The following EFR3A variants were observed in gnomAD, a reference collection of about 807,000 sequenced individuals.
The protein encoded by EFR3A is EFR3 homolog A.
EFR3A carries 76 observed loss-of-function variants against 104.4 expected under a neutral mutation model. That is an observed-to-expected ratio of 0.73 (90% CI 0.60 to 0.88). EFR3A has a LOEUF of 0.88. EFR3A is among the 40% of genes least tolerant of loss of function. The pLI is 0.00. For synonymous variants in EFR3A, 330 were observed against 330.0 expected, an observed-to-expected ratio of 1.00 and a Z score of 0.00; for missense variants, 985 against 1,012.5, an observed-to-expected ratio of 0.97 and a Z score of 0.37.
chr8:131,952,540 G>T (rs1270603714), intron 5 of EFR3A, among the ~76,000 whole-genome samples: 1 of 152,144 alleles, frequency 6.6e-6, no homozygotes, highest in African/African-American at 2.4e-5. Context: ...GTTTGTTAAT[G>T]TGCTCCATGC....
intron 19 of EFR3A, among the ~76,000 whole-genome samples, chr8:132,001,331 C>T (rs890389839): frequency 6.6e-6 from 1 of 152,088 alleles, no homozygotes; most frequent in Non-Finnish European, 1.5e-5. Context: ...CTGTAAAGTA[C>T]TTAGTTGTTT....
rs1816913673 is a variant in EFR3A, at chr8:131,919,772, G to T, written c.10+15450G>T. Among the ~76,000 whole-genome samples, 3 of 151,596 alleles carry T rather than the reference G, an allele frequency of 2.0e-5. No individual in the cohort carries two copies. In the South Asian group the frequency reaches 6.2e-4, roughly 31 times the overall value. ...TTGGTTCATTAGGACTCAAACTTTAGTAAGTATTAGGAGACTTGTGAAAAC... is the reference window on the plus strand; with the variant it reads ...TTGGTTCATTAGGACTCAAACTTTATTAAGTATTAGGAGACTTGTGAAAAC... On this transcript the variant is annotated intron_variant, in intron 1 of 22. Coordinates refer to ENST00000254624, the MANE Select transcript of EFR3A (RefSeq NM_015137.6).
chr8:131,938,763 T>C (rs1818025821), intron 1 of EFR3A, among the ~76,000 whole-genome samples: 1 of 152,132 alleles, frequency 6.6e-6, no homozygotes, highest in South Asian at 2.1e-4. Context: ...AGGTCTGGGT[T>C]GGAATTGCAG....
intron 2 of EFR3A, among the ~76,000 whole-genome samples, chr8:131,943,887 G>A (rs189237372): frequency 6.8e-6 from 1 of 146,090 alleles, no homozygotes; most frequent in African/African-American, 2.6e-5. Flanking sequence ...TTTGCTGTCT[G>A]AGAGAGGAGA....
chr8:131,925,750 G>T (rs1405106713), intron 1 of EFR3A, among the ~76,000 whole-genome samples: 1 of 151,960 alleles, frequency 6.6e-6, no homozygotes, highest in Non-Finnish European at 1.5e-5. Context: ...AGTGCTTTTA[G>T]GTAAAGTTGC....
chr8:131,905,203 A>G (rs1216019337), intron 1 of EFR3A, among the ~76,000 whole-genome samples: 1 of 152,210 alleles, frequency 6.6e-6, no homozygotes, highest in Non-Finnish European at 1.5e-5. Context: ...TGAGAATTCA[A>G]GTAGGACTCC....
At chr8:131,998,292 A>G (rs529122337) in intron 19 of EFR3A, among the ~76,000 whole-genome samples, 5 of 152,070 alleles carry the variant, frequency 3.3e-5, no homozygotes, top group Non-Finnish European at 5.9e-5. Context: ...ATATCAAACT[A>G]TTTTCTTAAA....
At chr8:131,934,489 A>G (rs1200730952) in intron 1 of EFR3A, among the ~76,000 whole-genome samples, 1 of 152,148 alleles carries the variant, frequency 6.6e-6, no homozygotes, top group East Asian at 1.9e-4. Context: ...TTGTCCTAAA[A>G]TGTCCAAGGT....
chr8:131,977,228 T>C, intron 12 of EFR3A, 136 bp downstream of exon 12: 1 of 560,422 alleles, frequency 1.8e-6, no homozygotes, highest in Non-Finnish European at 3.0e-6. Flanking sequence ...TGTTCTTCAT[T>C]TTAAAGATTA....
chr8:131,953,965 C>A lies in EFR3A; in HGVS notation c.636C>A (p.Asp212Glu). ...LFNMQKIEEV[D>E]SRIGPPSSPS... is the part of the protein sequence containing the mutation. ...ACATGCAAAAGATAGAAGAAGTTGA[C>A]AGGTATTTAAAAAAATATTAGTGTT... Residue 212 changes from aspartate to glutamate, a missense_variant and splice_region_variant, in exon 6 of 23, where the codon GAC becomes GAA. Transcript: ENST00000254624. 6.5e-7 allele frequency: 1 copy of A among 1,532,478 alleles called. No homozygotes were observed. Among genetic ancestry groups the A allele is most frequent in the African/African-American group, 1.4e-5 (1 of 72,236 alleles). 94.9% of individuals were successfully genotyped at this position (1,532,478 alleles called of 1,614,324 possible). A position where few individuals can be genotyped will look rare whatever the true frequency, so the allele number is the denominator to read the frequency against.
Position 132,010,994 on chromosome 8 carries a change from GA to G in EFR3A, c.*103del. 7.4e-7 allele frequency: 1 copy of G among 1,342,776 alleles called. No individual in the cohort carries two copies. The highest frequency in any genetic ancestry group is 9.7e-7 in the Non-Finnish European group (1 of 1,030,858). 83.2% of individuals were successfully genotyped at this position (1,342,776 alleles called of 1,614,324 possible). Reference sequence around the variant, plus strand: ...CTTAATGTGTATTAACATACTTCTTGAAAATAATGATGGAACATATCTTTAA... The same window carrying G: ...CTTAATGTGTATTAACATACTTCTTGAAATAATGATGGAACATATCTTTAA... On this transcript the variant is annotated 3_prime_UTR_variant, in exon 23 of 23. Coordinates refer to ENST00000254624, the MANE Select transcript of EFR3A (RefSeq NM_015137.6).
chr8:131,935,482 A>G, intron 1 of EFR3A: 1 of 447,986 alleles, frequency 2.2e-6, no homozygotes, highest in Non-Finnish European at 4.5e-6. Context: ...AAAATCCAGT[A>G]ATCGTAGGCA....
At chr8:131,970,302 T>G (rs1453429892) in intron 9 of EFR3A, among the ~76,000 whole-genome samples, 174 bp from the exon 10 acceptor site, 1 of 152,216 alleles carries the variant, frequency 6.6e-6, no homozygotes, top group Non-Finnish European at 1.5e-5. Flanking sequence ...ATGAGTGTCT[T>G]TCTTAATTAT....
chr8:131,968,669 G>A (rs146482859), intron 9 of EFR3A, among the ~76,000 whole-genome samples: 24 of 152,130 alleles, frequency 1.6e-4, no homozygotes, highest in African/African-American at 4.6e-4. Flanking sequence ...AGGTTTTTGA[G>A]TATTGATTAT....
intron 22 of EFR3A, 64 bp downstream of exon 22, chr8:132,003,349 A>G: frequency 1.4e-6 from 2 of 1,424,674 alleles, no homozygotes; most frequent in Non-Finnish European, 1.9e-6. Context: ...ACAGACCCCT[A>G]TGAATTTGTG....
chr8:131,959,561 T>G (rs1458356113), intron 7 of EFR3A, 24 bp from the exon 8 acceptor site: 4 of 1,599,296 alleles, frequency 2.5e-6, no homozygotes, highest in Non-Finnish European at 3.4e-6. Flanking sequence ...TAGAGAATTT[T>G]AAAGTAATTT....
intron 1 of EFR3A, among the ~76,000 whole-genome samples, chr8:131,906,731 A>G (rs1285930376): frequency 6.6e-6 from 1 of 152,222 alleles, no homozygotes; most frequent in Non-Finnish European, 1.5e-5. Flanking sequence ...AACTGCCAGG[A>G]CACAGAAACA....
chr8:131,973,669 G>A (rs1039696402), intron 10 of EFR3A, among the ~76,000 whole-genome samples: 1 of 151,976 alleles, frequency 6.6e-6, no homozygotes, highest in African/African-American at 2.4e-5. Context: ...ATTCCTGTCG[G>A]TGGGCCATGG....
chr8:131,977,348 C>T (rs931529565), intron 12 of EFR3A, among the ~76,000 whole-genome samples: 4 of 152,058 alleles, frequency 2.6e-5, no homozygotes, highest in African/African-American at 7.2e-5. Flanking sequence ...GACGAAGATA[C>T]CTGGGCCCAG....
Sources: gnomAD v4.1 joint callset for allele counts (sites outside exome capture counted in the v4.1 genomes callset) on GRCh38, gnomAD v4.1.1 for gene constraint, MANE v1.5 for transcripts, NCBI Gene and HGNC (gene_info 2026-07-23, HGNC 2026-07-21) for gene names.